The following WIPF1 variants were observed in gnomAD, a reference collection of about 807,000 sequenced individuals.
WIPF1 encodes the protein WAS/WASL interacting protein family member 1.
A neutral mutation model predicts 35.4 loss-of-function variants in WIPF1; 13 were observed. That is an observed-to-expected ratio of 0.37 (90% CI 0.24 to 0.58). The LOEUF is 0.58. WIPF1 is among the 20% of genes least tolerant of loss of function. The probability of loss-of-function intolerance (pLI) is 0.74; values close to 1 mark genes in which losing one functional copy is unlikely to be tolerated. For synonymous variants in WIPF1, 267 were observed against 266.3 expected (o/e 1.00, Z -0.02); for missense variants, 591 against 667.0 (o/e 0.89, Z 1.25).
At chr2:174,588,226 G>C (rs143789331) in intron 1 of WIPF1, among the ~76,000 whole-genome samples, 1 of 152,216 alleles carries the variant, frequency 6.6e-6, no homozygotes, top group East Asian at 1.9e-4. Context: ...TGGTCTGCCC[G>C]GTGGGCCCAA....
chr2:174,671,066 CAT>C (rs1015693311), intron 1 of WIPF1, among the ~76,000 whole-genome samples: 3 of 152,202 alleles, frequency 2.0e-5, no homozygotes, highest in East Asian at 1.9e-4. Flanking sequence ...GTCAATGACA[CAT>C]GTGTACATGT....
intron 1 of WIPF1, among the ~76,000 whole-genome samples, chr2:174,624,142 G>A (rs1686753971): frequency 6.6e-6 from 1 of 152,206 alleles, no homozygotes; most frequent in Admixed American, 6.5e-5. Flanking sequence ...AGAATTAGTG[G>A]AGCTCAACTA....
intron 1 of WIPF1, among the ~76,000 whole-genome samples, chr2:174,659,341 T>C (rs1687709797): frequency 6.6e-6 from 1 of 152,212 alleles, no homozygotes; most frequent in Non-Finnish European, 1.5e-5. Flanking sequence ...ATTAACAAAA[T>C]CCATGGGTGT....
rs924724697 is a variant in WIPF1, at chr2:174,590,812, A to C, written c.-38-5201T>G. On this transcript the variant is annotated intron_variant, in intron 1 of 7. Transcript: ENST00000679041. The surrounding 1 kb of genome is among the most constrained non-coding windows in gnomAD (Gnocchi z 4.6). Reference sequence around the variant, plus strand: ...CTTTTTAAGAATAATTTCAATGTTAAGTAACTTTCATGATAGAAAAGCCAG... The same window carrying C: ...CTTTTTAAGAATAATTTCAATGTTACGTAACTTTCATGATAGAAAAGCCAG... 1.3e-5 allele frequency among the ~76,000 whole-genome samples: 2 copies of C among 152,226 alleles called. No individual in the cohort carries two copies. The highest frequency in any genetic ancestry group is 4.8e-5 in the African/African-American group (2 of 41,470).
At chr2:174,661,581 A>ATCATTCT (rs1318276929) in intron 1 of WIPF1, among the ~76,000 whole-genome samples, 1 of 152,024 alleles carries the variant, frequency 6.6e-6, no homozygotes, top group Non-Finnish European at 1.5e-5. Flanking sequence ...GCGTATCCCT[A>ATCATTCT]TCATTCTTCA....
chr2:174,612,710 G>C (rs1027864908), intron 1 of WIPF1, among the ~76,000 whole-genome samples: 44 of 151,784 alleles, frequency 2.9e-4, no homozygotes, highest in African/African-American at 1.1e-3. Flanking sequence ...TTGCCAATTT[G>C]ATAGGTTTAT....
intron 1 of WIPF1, among the ~76,000 whole-genome samples, chr2:174,606,943 C>A (rs1406002775): frequency 1.3e-5 from 2 of 152,166 alleles, no homozygotes; most frequent in African/African-American, 4.8e-5. Context: ...GGTCGAGGGG[C>A]CACATCTGGT....
At chr2:174,626,938 T>G (rs1191255555) in intron 1 of WIPF1, among the ~76,000 whole-genome samples, 2 of 152,144 alleles carry the variant, frequency 1.3e-5, no homozygotes, top group East Asian at 1.9e-4. Flanking sequence ...TCCCAGACTC[T>G]GGGGGGAAAG....
chr2:174,589,858 T>C (rs1431156966), intron 1 of WIPF1, among the ~76,000 whole-genome samples: 1 of 152,216 alleles, frequency 6.6e-6, no homozygotes, highest in Non-Finnish European at 1.5e-5. Flanking sequence ...GAAGTACATA[T>C]TTTAATAAAT....
intron 1 of WIPF1, among the ~76,000 whole-genome samples, chr2:174,670,718 G>C (rs141497776): frequency 6.0e-4 from 91 of 152,316 alleles, no homozygotes; most frequent in Non-Finnish European, 1.1e-3. Flanking sequence ...ATTACAAATA[G>C]GAGGCTCAAC....
At chr2:174,573,220 G>A (rs182823115) in intron 4 of WIPF1, among the ~76,000 whole-genome samples, 35 of 145,512 alleles carry the variant, frequency 2.4e-4, no homozygotes, top group African/African-American at 7.8e-4. Flanking sequence ...CCAAAGAGAT[G>A]GAAAATTTCA....
rs867824564 is a variant in WIPF1 at position 174,594,709 on chromosome 2, A to T, written c.-39+2892T>A. Among the ~76,000 whole-genome samples the T allele has an allele frequency of 2.6e-4, 34 of 128,612 alleles. 2 individuals carry two copies. Among genetic ancestry groups the T allele is most frequent in the African/African-American group, 8.0e-4 (29 of 36,350 alleles). The allele number at this position is 128,612 out of a possible 152,430, so 84.4% of individuals were successfully genotyped here. ...CTCTCTTTCTCTCTCTCTCTCTCTC[A>T]CACACACATACACACACAGCATATA... On this transcript the variant is annotated intron_variant, in intron 1 of 7. Coordinates refer to ENST00000679041, the MANE Select transcript of WIPF1 (RefSeq NM_001375834.1).
chr2:174,659,456 A>C (rs1440054056), intron 1 of WIPF1, among the ~76,000 whole-genome samples: 1 of 152,180 alleles, frequency 6.6e-6, no homozygotes, highest in African/African-American at 2.4e-5. Flanking sequence ...CTAAAAATCT[A>C]CCTCTAGGGT....
intron 1 of WIPF1, among the ~76,000 whole-genome samples, chr2:174,672,779 T>C (rs1201312464): frequency 6.6e-6 from 1 of 152,206 alleles, no homozygotes; most frequent in Non-Finnish European, 1.5e-5. Flanking sequence ...CTGCACAGTG[T>C]TGTCAAGCCC....
chr2:174,672,830 C>A (rs993629496), intron 1 of WIPF1, among the ~76,000 whole-genome samples: 1 of 152,236 alleles, frequency 6.6e-6, no homozygotes, highest in African/African-American at 2.4e-5. Flanking sequence ...TAGACTACAA[C>A]TGGTGAACTC....
At chr2:174,591,673 T>TACATACACACACAC (rs1553529232) in intron 1 of WIPF1, among the ~76,000 whole-genome samples, 9 of 146,724 alleles carry the variant, frequency 6.1e-5, no homozygotes, top group African/African-American at 2.3e-4. Flanking sequence ...CTTTGTTGCT[T>TACATACACACACAC]ACACACACAC....
intron 5 of WIPF1, chr2:174,570,544 C>G (rs1684795637): frequency 6.6e-6 from 1 of 152,160 alleles, no homozygotes; most frequent in South Asian, 2.1e-4. Context: ...ACAATGGTTT[C>G]AAGGTGTGGT....
chr2:174,680,150 C>T (rs1477890077), intron 1 of WIPF1, among the ~76,000 whole-genome samples: 2 of 152,192 alleles, frequency 1.3e-5, no homozygotes, highest in East Asian at 3.8e-4. Flanking sequence ...GAAACCATGT[C>T]TCATCTCTAC....
At chr2:174,655,739 G>GT (rs1044699169) in intron 1 of WIPF1, 3 of 152,466 alleles carry the variant, frequency 2.0e-5, no homozygotes, top group African/African-American at 7.2e-5. Context: ...ACACCCAACA[G>GT]TTTTTCCAGC....
Sources: gnomAD v4.1 joint callset for allele counts (sites outside exome capture counted in the v4.1 genomes callset) on GRCh38, gnomAD v4.1.1 for gene constraint, Gnocchi (gnomAD v3.1) non-coding constraint, MANE v1.5 for transcripts, NCBI Gene and HGNC (gene_info 2026-07-23, HGNC 2026-07-21) for gene names.